PPP1R3A: variants seen among roughly 807,000 people sequenced by gnomAD.
PPP1R3A encodes the protein protein phosphatase 1 regulatory subunit 3A, also known as RG1.
In PPP1R3A, 29 loss-of-function variants were observed where a neutral mutation model predicts 41.7. That is an observed-to-expected ratio of 0.70 (90% CI 0.52 to 0.95). The LOEUF is 0.95. Among genes scored for constraint, PPP1R3A ranks in the 40% least tolerant of loss-of-function variants. The probability of loss-of-function intolerance (pLI) is 0.00; values close to 1 mark genes in which losing one functional copy is unlikely to be tolerated. For missense variants in PPP1R3A, 1,352 were observed against 1,292.4 expected, an observed-to-expected ratio of 1.05 and a Z score of -0.71; for synonymous variants, 485 against 453.4, an observed-to-expected ratio of 1.07 and a Z score of -0.89.
intron 1 of PPP1R3A, among the ~76,000 whole-genome samples, chr7:113,902,858 T>C (rs1797088770): frequency 6.6e-6 from 1 of 151,834 alleles, no homozygotes; most frequent in South Asian, 2.1e-4. Flanking sequence ...CATTGTCTTT[T>C]TGCTAATGTA....
rs536814964 is a variant in PPP1R3A at position 113,878,636 on chromosome 7, T to G, written c.2456A>C (p.Lys819Thr). The G allele has an allele frequency of 1.9e-4, 305 of 1,613,380 alleles. 6 individuals are homozygous for G. The South Asian group carries it at 3.2e-3, about 17-fold the overall frequency. Residue 819 changes from lysine to threonine, a missense_variant, in exon 4 of 4, where the codon AAG becomes ACG. Lys to Thr is a moderately conservative substitution (Grantham distance 78, BLOSUM62 -1). Transcript: ENST00000284601. ...ATTGTACATAGACATGGTTTCTTCC[T>G]TCTCCATTTCATCTACACGTACATT... ...ICNVRVDEME[K>T]EETMSMYNPR...
chr7:113,901,752 G>T (rs1436565668), intron 1 of PPP1R3A, among the ~76,000 whole-genome samples: 1 of 151,716 alleles, frequency 6.6e-6, no homozygotes, highest in Non-Finnish European at 1.5e-5. Flanking sequence ...GGTGTCAAAA[G>T]TATTATTTTC....
chr7:113,894,989 T>C (rs1466549809), intron 1 of PPP1R3A, among the ~76,000 whole-genome samples: 1 of 151,900 alleles, frequency 6.6e-6, no homozygotes, highest in East Asian at 1.9e-4. Context: ...ATCAAATCAT[T>C]CAGAAGTGAC....
rs1182759899 is a variant in PPP1R3A, at chr7:113,886,472, T to C, written c.783-4152A>G. Among the ~76,000 whole-genome samples, 5 of 152,294 alleles carry C rather than the reference T, an allele frequency of 3.3e-5. No individual in the cohort carries two copies. In the East Asian group the frequency reaches 7.7e-4, roughly 24 times the overall value. On this transcript the variant is annotated intron_variant, in intron 1 of 3. Coordinates refer to ENST00000284601, the MANE Select transcript of PPP1R3A (RefSeq NM_002711.4). ...CATGATTGTGAGGCCTCACCAGCCA[T>C]GTGGAACTGTGAGTCCATTAAACCT...
chr7:113,884,308 T>C (rs1048040555), intron 1 of PPP1R3A, among the ~76,000 whole-genome samples: 1 of 152,044 alleles, frequency 6.6e-6, no homozygotes, highest in Non-Finnish European at 1.5e-5. Context: ...AAATGATGGC[T>C]AAAATGTTTC....
chr7:113,883,658 T>A (rs1199612194), intron 1 of PPP1R3A, among the ~76,000 whole-genome samples: 2 of 151,970 alleles, frequency 1.3e-5, no homozygotes, highest in Non-Finnish European at 2.9e-5. Context: ...GAAATCCAAC[T>A]GCAGGCTGAC....
intron 1 of PPP1R3A, among the ~76,000 whole-genome samples, chr7:113,909,982 T>C (rs1488711974): frequency 2.6e-5 from 4 of 152,016 alleles, no homozygotes; most frequent in Admixed American, 1.3e-4. Context: ...TTAATGGACT[T>C]ACAGTTTCAC....
chr7:113,890,668 C>A (rs745418716), intron 1 of PPP1R3A, among the ~76,000 whole-genome samples: 16 of 151,946 alleles, frequency 1.1e-4, no homozygotes, highest in Non-Finnish European at 1.9e-4. Flanking sequence ...TAGAATAGAC[C>A]AATCATCATC....
At position 113,879,831 on chromosome 7, in the gene PPP1R3A, C is replaced by G. The variant is rs776514575; in HGVS notation, c.1261G>C (p.Asp421His). 1 of 1,613,374 alleles carries G rather than the reference C, an allele frequency of 6.2e-7. No individual in the cohort carries two copies. The highest frequency in any genetic ancestry group is 8.5e-7 in the Non-Finnish European group (1 of 1,179,650). The change falls in exon 4 of 4, where the codon GAT (aspartate) becomes CAT (histidine). Residue 421 changes from aspartate to histidine, a missense_variant. Physicochemically the swap from Asp to His is moderately conservative, Grantham distance 81 (BLOSUM62 -1). Coordinates refer to ENST00000284601, the MANE Select transcript of PPP1R3A (RefSeq NM_002711.4). ...TGCACTAGTTCATCACTACTAGTAT[C>G]TCCCAATGATGGCTTGATTTCTCCC... Reference protein sequence around the residue: ...NMGEIKPSLGDTSSDELVQLH... With the variant: ...NMGEIKPSLGHTSSDELVQLH...
chr7:113,909,485 G>A (rs910066459), intron 1 of PPP1R3A, among the ~76,000 whole-genome samples: 2 of 151,978 alleles, frequency 1.3e-5, no homozygotes, highest in African/African-American at 4.8e-5. Context: ...CTTGGAGAGT[G>A]CCTTAGTTAA....
At chr7:113,903,304 T>C (rs771749722) in intron 1 of PPP1R3A, among the ~76,000 whole-genome samples, 14 of 151,718 alleles carry the variant, frequency 9.2e-5, no homozygotes, top group Non-Finnish European at 1.9e-4. Context: ...GGTATAGAAA[T>C]AGCTAAAATC....
intron 1 of PPP1R3A, among the ~76,000 whole-genome samples, chr7:113,911,416 A>T (rs912918035): frequency 6.6e-6 from 1 of 152,106 alleles, no homozygotes; most frequent in Admixed American, 6.6e-5. Context: ...CAGAGGAATG[A>T]CCGAAATTTG....
chr7:113,889,959 G>T (rs1353308794), intron 1 of PPP1R3A, among the ~76,000 whole-genome samples: 2 of 151,982 alleles, frequency 1.3e-5, no homozygotes, highest in Non-Finnish European at 2.9e-5. Flanking sequence ...AACAGAGTGG[G>T]GTAGGAATAC....
In PPP1R3A at chr7:113,878,330, G is replaced by A. The variant is rs752173335; in HGVS notation, c.2762C>T (p.Thr921Ile). Residue 921 changes from threonine to isoleucine, a missense_variant, in exon 4 of 4, where the codon ACT (threonine) becomes ATT (isoleucine). Physicochemically the swap from Thr to Ile is moderately conservative, Grantham distance 89 (BLOSUM62 -1). Transcript: ENST00000284601. Reference protein sequence around the residue: ...QNSSPFSKHHTEISVSTNEQA... With the variant: ...QNSSPFSKHHIEISVSTNEQA... ...CTCATTAGTTGACACTGAAATTTCA[G>A]TATGATGTTTGGAAAAAGGAGAGCT... is the stretch of plus-strand genomic sequence containing the variant. The A allele has an allele frequency of 3.1e-6, 5 of 1,612,956 alleles. No homozygotes were observed. Among genetic ancestry groups the A allele is most frequent in the Non-Finnish European group, 4.2e-6 (5 of 1,179,654 alleles).
intron 1 of PPP1R3A, among the ~76,000 whole-genome samples, chr7:113,911,005 A>G (rs959939110): frequency 1.3e-5 from 2 of 152,118 alleles, no homozygotes; most frequent in Admixed American, 1.3e-4. Flanking sequence ...TTACCTTACA[A>G]TATTAAAATT....
Position 113,882,031 on chromosome 7 carries a change from A to G in PPP1R3A, c.966+8T>C. 1 of 1,612,184 alleles carries G rather than the reference A, an allele frequency of 6.2e-7. No homozygotes were observed. Among genetic ancestry groups the G allele is most frequent in the South Asian group, 1.1e-5 (1 of 91,044 alleles). On this transcript the variant is annotated splice_region_variant and intron_variant, in intron 3 of 3. Coordinates refer to ENST00000284601, the MANE Select transcript of PPP1R3A (RefSeq NM_002711.4). Reference sequence around the variant, plus strand: ...CTTCTCTAATACCGTGGCAACCAGAACACTTACCATCAACTCTAATTCTTT... The same window carrying G: ...CTTCTCTAATACCGTGGCAACCAGAGCACTTACCATCAACTCTAATTCTTT...
chr7:113,897,320 G>A (rs1267286395), intron 1 of PPP1R3A, among the ~76,000 whole-genome samples: 1 of 151,620 alleles, frequency 6.6e-6, no homozygotes, highest in Admixed American at 6.6e-5. Flanking sequence ...ATCTTGAGGA[G>A]ATCCTACATA....
At chr7:113,880,353 C>A (rs974231086) in intron 3 of PPP1R3A, among the ~76,000 whole-genome samples, 3 of 151,988 alleles carry the variant, frequency 2.0e-5, no homozygotes, top group African/African-American at 7.2e-5. Context: ...ATTTATCACT[C>A]TCCTTCCCAG....
intron 3 of PPP1R3A, among the ~76,000 whole-genome samples, chr7:113,880,920 A>G (rs1223300465): frequency 6.6e-6 from 1 of 151,392 alleles, no homozygotes; most frequent in Non-Finnish European, 1.5e-5. Context: ...TAACGTCAGC[A>G]TGGAGCAAAT....
Sources: allele counts gnomAD v4.1 joint callset (sites outside exome capture counted in the v4.1 genomes callset), GRCh38; gene constraint gnomAD v4.1.1; transcripts MANE v1.5; gene names NCBI Gene and HGNC (gene_info 2026-07-23, HGNC 2026-07-21).